MAP3K20: variants seen among roughly 807,000 people sequenced by gnomAD.
MAP3K20 encodes HCCS-4.
MAP3K20 carries 40 observed loss-of-function variants against 85.7 expected under a neutral mutation model. That is an observed-to-expected ratio of 0.47 (90% confidence interval 0.36 to 0.61). The LOEUF is 0.61. Ranked by LOEUF, MAP3K20 falls within the 20% of genes least tolerant of loss-of-function variation. The pLI is 0.00. For synonymous variants in MAP3K20, 325 were observed against 327.7 expected (o/e 0.99, Z 0.09); for missense variants, 817 against 961.7 (o/e 0.85, Z 1.99).
At chr2:173,122,482 G>T (rs1688323005) in intron 2 of MAP3K20, among the ~76,000 whole-genome samples, 1 of 152,132 alleles carries the variant, frequency 6.6e-6, no homozygotes, top group South Asian at 2.1e-4. Flanking sequence ...GGCCTCTTTG[G>T]TGAAGGCTTG....
rs1007350474 is a variant in MAP3K20, at chr2:173,233,581, A to G, written c.1203+1122A>G. Among the ~76,000 whole-genome samples the G allele has an allele frequency of 2.6e-5, 4 of 152,316 alleles. No homozygotes were observed. The South Asian group carries it at 8.3e-4, about 32-fold the overall frequency. On this transcript the variant is annotated intron_variant, in intron 14 of 19. Transcript: ENST00000375213. ...GCTCCCCAAACCCACCCCCCATTCC[A>G]GTGTGGGTAGATGGACGAGTGTGTA...
At position 173,191,604 on chromosome 2, in the gene MAP3K20, T is replaced by G. The variant is rs149992183; in HGVS notation, c.582+427T>G. On this transcript the variant is annotated intron_variant, in intron 7 of 19. Transcript: ENST00000375213. ...CAATAGATCTGCCAAGCGAGTTAAT[T>G]ACCAGGAAACTTTTGAGTCTCAACT... Among the ~76,000 whole-genome samples the G allele has an allele frequency of 1.7e-3, 257 of 152,314 alleles. 1 individual carries two copies. Among genetic ancestry groups the G allele is most frequent in the African/African-American group, 6.0e-3 (249 of 41,568 alleles).
At chr2:173,093,323 G>A (rs1257052531) in intron 2 of MAP3K20, among the ~76,000 whole-genome samples, 3 of 152,144 alleles carry the variant, frequency 2.0e-5, no homozygotes, top group African/African-American at 7.2e-5. Flanking sequence ...AGTTTTAGAA[G>A]CAATGGAACA....
chr2:173,199,769 G>T (rs1690982609), intron 8 of MAP3K20, among the ~76,000 whole-genome samples: 1 of 151,648 alleles, frequency 6.6e-6, no homozygotes, highest in African/African-American at 2.4e-5. Flanking sequence ...TATCTAAAGG[G>T]TGGCAGAATA....
At position 173,266,800 on chromosome 2, in the gene MAP3K20, A is replaced by AG; in HGVS notation, c.*51dup. 1 of 1,348,158 alleles carries AG rather than the reference A, an allele frequency of 7.4e-7. No homozygotes were observed. Among genetic ancestry groups the AG allele is most frequent in the Non-Finnish European group, 9.8e-7 (1 of 1,024,624 alleles). The allele number at this position is 1,348,158 out of a possible 1,614,324, so 83.5% of individuals were successfully genotyped here. A position where few individuals can be genotyped will look rare whatever the true frequency, so the allele number is the denominator to read the frequency against. ...AAGCAGGTTAAAAAAAAAAAAAAAA[A>AG]GAAATGTAATGGTTTTTGATAATAT... On this transcript the variant is annotated 3_prime_UTR_variant, in exon 20 of 20. Coordinates refer to ENST00000375213, the MANE Select transcript of MAP3K20 (RefSeq NM_016653.3).
At chr2:173,183,098 T>A (rs546446754) in intron 4 of MAP3K20, 143 bp downstream of exon 4, 9 of 640,766 alleles carry the variant, frequency 1.4e-5, no homozygotes, top group East Asian at 9.3e-5. Context: ...CCACAGCTGA[T>A]GGTACAGATA....
At chr2:173,158,979 C>T (rs1689561107) in intron 2 of MAP3K20, among the ~76,000 whole-genome samples, 1 of 152,046 alleles carries the variant, frequency 6.6e-6, no homozygotes, top group Non-Finnish European at 1.5e-5. Context: ...TTAATTTTTT[C>T]ACAAAAATGG....
intron 2 of MAP3K20, chr2:173,160,446 CT>C (rs376298497): frequency 3.5e-4 from 53 of 152,224 alleles, no homozygotes; most frequent in African/African-American, 1.3e-3. Flanking sequence ...AAAAAAAGCC[CT>C]GGTTATGATA....
intron 2 of MAP3K20, among the ~76,000 whole-genome samples, chr2:173,095,525 C>T (rs915914969): frequency 5.3e-5 from 8 of 152,176 alleles, no homozygotes; most frequent in Non-Finnish European, 8.8e-5. Context: ...ATCTGTGATA[C>T]ACTGCTATTA....
intron 2 of MAP3K20, among the ~76,000 whole-genome samples, chr2:173,104,838 T>A (rs763941159): frequency 2.6e-5 from 4 of 152,136 alleles, no homozygotes; most frequent in Non-Finnish European, 5.9e-5. Flanking sequence ...AAGGTGACAC[T>A]GAGTAAAAAC....
At chr2:173,256,358 T>C (rs953271357) in intron 16 of MAP3K20, among the ~76,000 whole-genome samples, 6 of 152,166 alleles carry the variant, frequency 3.9e-5, no homozygotes, top group African/African-American at 1.4e-4. Flanking sequence ...CCAGGAGCAG[T>C]GGCTCATGCC....
At position 173,242,435 on chromosome 2, in the gene MAP3K20, C is replaced by T. The variant is rs541957334; in HGVS notation, c.1359+2939C>T. ...CCGCCCACCTCGGCCTCCCAAAGTGCGGGATTACAGGCGTGAGCAACTGCG... is the reference window on the plus strand; with the variant it reads ...CCGCCCACCTCGGCCTCCCAAAGTGTGGGATTACAGGCGTGAGCAACTGCG... On this transcript the variant is annotated intron_variant, in intron 16 of 19. Transcript: ENST00000375213. Among the ~76,000 whole-genome samples, 100 of 151,626 alleles carry T rather than the reference C, an allele frequency of 6.6e-4. 4 individuals are homozygous for T. The South Asian group carries it at 0.02, about 30-fold the overall frequency.
intron 16 of MAP3K20, among the ~76,000 whole-genome samples, chr2:173,241,681 A>T (rs560144430): frequency 1.3e-4 from 20 of 151,932 alleles, no homozygotes; most frequent in African/African-American, 3.4e-4. Flanking sequence ...AAAACATTAA[A>T]TTTTTTTTTA....
rs148181755 is a variant in MAP3K20 at position 173,265,472 on chromosome 2, T to C, written c.1703-578T>C. On this transcript the variant is annotated intron_variant, in intron 19 of 19. Coordinates refer to ENST00000375213, the MANE Select transcript of MAP3K20 (RefSeq NM_016653.3). The stretch of plus-strand genomic sequence containing the variant: ...TATTCCCGAGCCTCAGGATCTCTCC[T>C]GTGGACACGTGAACGGTCTTTCTTC... Among the ~76,000 whole-genome samples the C allele has an allele frequency of 1.1e-4, 17 of 152,384 alleles. No homozygotes were observed. In the East Asian group the frequency reaches 3.1e-3, roughly 28 times the overall value.
In MAP3K20 at chr2:173,075,861, CAG is replaced by C. The variant is rs1225916105; in HGVS notation, c.-171_-170del. ...GACTGTCTTCCTCATTGGCGCCGTGCAGAGAGGCGGAATGTTCAACTCCTAAC... is the reference window on the plus strand; with the variant it reads ...GACTGTCTTCCTCATTGGCGCCGTGCAGAGGCGGAATGTTCAACTCCTAAC... On this transcript the variant is annotated 5_prime_UTR_variant, in exon 1 of 20. Coordinates refer to ENST00000375213, the MANE Select transcript of MAP3K20 (RefSeq NM_016653.3). The C allele has an allele frequency of 3.0e-6, 3 of 985,158 alleles. No individual in the cohort carries two copies. Among genetic ancestry groups the C allele is most frequent in the Non-Finnish European group, 3.6e-6 (3 of 829,910 alleles). The allele number at this position is 985,158 out of a possible 1,614,324, so 61.0% of individuals were successfully genotyped here. A position where few individuals can be genotyped will look rare whatever the true frequency, so the allele number is the denominator to read the frequency against.
At chr2:173,079,600 C>T (rs1686957886) in intron 1 of MAP3K20, among the ~76,000 whole-genome samples, 1 of 152,052 alleles carries the variant, frequency 6.6e-6, no homozygotes, top group Admixed American at 6.5e-5. Flanking sequence ...TACAGCTATA[C>T]AAAAATTCTT....
intron 2 of MAP3K20, among the ~76,000 whole-genome samples, chr2:173,125,548 C>G (rs1228941885): frequency 6.6e-6 from 1 of 151,824 alleles, no homozygotes; most frequent in African/African-American, 2.4e-5. Context: ...ATTGAATGTA[C>G]TAGCATTTCT....
chr2:173,221,098 A>G, intron 11 of MAP3K20: 1 of 1,411,580 alleles, frequency 7.1e-7, no homozygotes, highest in East Asian at 2.3e-5. Context: ...TTCCTGATTT[A>G]AATTGGTCCT....
intron 16 of MAP3K20, among the ~76,000 whole-genome samples, chr2:173,254,276 A>C (rs1383750027): frequency 6.6e-6 from 1 of 151,494 alleles, no homozygotes; most frequent in Non-Finnish European, 1.5e-5. Flanking sequence ...AAAACACAAA[A>C]AATTAGCTGG....
Sources: gnomAD v4.1 joint callset for allele counts (sites outside exome capture counted in the v4.1 genomes callset) on GRCh38, gnomAD v4.1.1 for gene constraint, MANE v1.5 for transcripts, NCBI Gene and HGNC (gene_info 2026-07-23, HGNC 2026-07-21) for gene names.